DOCK9: variants seen among roughly 807,000 people sequenced by gnomAD.
DOCK9 encodes the protein dedicator of cytokinesis protein 9.
In DOCK9, 89 loss-of-function variants were observed where a neutral mutation model predicts 263.3. The ratio of observed to expected loss-of-function variants is 0.34; its 90% CI spans 0.28 to 0.40. DOCK9 has a LOEUF of 0.40. Ranked by LOEUF, DOCK9 falls within the 10% of genes least tolerant of loss-of-function variation. The pLI is 1.00. For synonymous variants in DOCK9, 976 were observed against 973.1 expected, an observed-to-expected ratio of 1.00 and a Z score of -0.06; for missense variants, 2,140 against 2,603.4, an observed-to-expected ratio of 0.82 and a Z score of 3.87.
intron 23 of DOCK9, among the ~76,000 whole-genome samples, 191 bp from the exon 24 acceptor site, chr13:98,882,198 G>A (rs2044885934): frequency 6.6e-6 from 1 of 152,144 alleles, no homozygotes; most frequent in Non-Finnish European, 1.5e-5. Flanking sequence ...ATGGCCCAGG[G>A]GAGGTAAGGC....
rs2092520648 is a variant in DOCK9 at position 98,826,015 on chromosome 13, C to A, written c.5023+815G>T. On this transcript the variant is annotated intron_variant, in intron 44 of 52. Transcript: ENST00000682017. ...GTACCGGTATTAAATGAACATGGAGCCCTTTCAAAATTTTTCTCTTTGGGG... is the reference window on the plus strand; with the variant it reads ...GTACCGGTATTAAATGAACATGGAGACCTTTCAAAATTTTTCTCTTTGGGG... The A allele has an allele frequency of 6.3e-6, 8 of 1,279,160 alleles. No individual in the cohort carries two copies. In the Middle Eastern group the frequency reaches 5.9e-4, roughly 94 times the overall value. The allele number at this position is 1,279,160 out of a possible 1,614,324, so 79.2% of individuals were successfully genotyped here. A position where few individuals can be genotyped will look rare whatever the true frequency, so the allele number is the denominator to read the frequency against.
Position 99,073,323 on chromosome 13 carries a change from C to T in DOCK9, c.129+12900G>A, listed in dbSNP as rs2041764682. On this transcript the variant is annotated intron_variant, in intron 1 of 32. Coordinates refer to the DOCK9 transcript ENST00000427887. The stretch of plus-strand genomic sequence containing the variant: ...TCTCATTCATTCTCTCTCTCTCTCT[C>T]TTCTCTCTCTTCTTTCTCTCCTCTC... Among the ~76,000 whole-genome samples, 3 of 151,072 alleles carry T rather than the reference C, an allele frequency of 2.0e-5. No homozygotes were observed. In the South Asian group the frequency reaches 6.3e-4, roughly 32 times the overall value.
chr13:98,802,839 T>C (rs917838061), intron 49 of DOCK9, among the ~76,000 whole-genome samples: 3 of 152,208 alleles, frequency 2.0e-5, no homozygotes, highest in African/African-American at 7.2e-5. Context: ...GGTTGATAAC[T>C]TGAGGGAAAA....
chr13:98,899,915 A>G (rs1373564711), intron 13 of DOCK9, among the ~76,000 whole-genome samples: 1 of 152,128 alleles, frequency 6.6e-6, no homozygotes. Flanking sequence ...CACAGGAGAT[A>G]CCTACAGAGA....
chr13:98,833,665 T>C (rs2092861284), intron 39 of DOCK9, among the ~76,000 whole-genome samples: 1 of 152,192 alleles, frequency 6.6e-6, no homozygotes, highest in Non-Finnish European at 1.5e-5. Flanking sequence ...AAACCTCAAA[T>C]ATATACAATA....
At chr13:98,984,758 ACCT>A (rs1878043106) in intron 1 of DOCK9, among the ~76,000 whole-genome samples, 1 of 152,038 alleles carries the variant, frequency 6.6e-6, no homozygotes, top group Admixed American at 6.6e-5. Context: ...AAGTCACTTC[ACCT>A]CTCTGGGCCC....
At chr13:98,974,129 T>C (rs1308186460) in intron 1 of DOCK9, among the ~76,000 whole-genome samples, 2 of 152,096 alleles carry the variant, frequency 1.3e-5, no homozygotes, top group African/African-American at 2.4e-5. Context: ...ACAATTAGAA[T>C]AAATTGTTTC....
chr13:99,035,953 A>C (rs1250276029), intron 1 of DOCK9, among the ~76,000 whole-genome samples: 2 of 152,148 alleles, frequency 1.3e-5, no homozygotes, highest in Non-Finnish European at 2.9e-5. Context: ...GGAAGAAGAA[A>C]TTCGGACAAC....
At chr13:98,981,112 A>G (rs1673821199), upstream of DOCK9, among the ~76,000 whole-genome samples, 1 of 150,594 alleles carries the variant, frequency 6.6e-6, no homozygotes, top group African/African-American at 2.4e-5. Context: ...ACTGGAGTGC[A>G]GTGGTGCAAT....
intron 1 of DOCK9, among the ~76,000 whole-genome samples, chr13:99,066,593 C>T (rs954617226): frequency 4.3e-4 from 66 of 152,134 alleles, no homozygotes; most frequent in African/African-American, 1.5e-3. Flanking sequence ...TTAAGGACAT[C>T]GTCAAGATCC....
At chr13:99,049,592 G>A (rs545710158) in intron 1 of DOCK9, among the ~76,000 whole-genome samples, 4 of 152,106 alleles carry the variant, frequency 2.6e-5, no homozygotes, top group South Asian at 2.1e-4. Context: ...ATCATGGCTC[G>A]CTGCAGCCTC....
At chr13:99,027,228 C>T (rs749819986) in intron 1 of DOCK9, among the ~76,000 whole-genome samples, 8 of 152,080 alleles carry the variant, frequency 5.3e-5, no homozygotes, top group Non-Finnish European at 8.8e-5. Context: ...CCATATTGGC[C>T]AGGCTGGTAT....
Position 98,847,898 on chromosome 13 carries a change from G to A in DOCK9, c.4061+694C>T, listed in dbSNP as rs369294312. Among the ~76,000 whole-genome samples, 53 of 152,294 alleles carry A rather than the reference G, an allele frequency of 3.5e-4. No individual in the cohort carries two copies. The South Asian group carries it at 8.7e-3, about 25-fold the overall frequency. ...GGCAGTGGGGCAGGAGGAAGAACTTGGTAAGGACAAGAGGTGCTGCGAAGA... is the reference window on the plus strand; with the variant it reads ...GGCAGTGGGGCAGGAGGAAGAACTTAGTAAGGACAAGAGGTGCTGCGAAGA... On this transcript the variant is annotated intron_variant, in intron 37 of 52. Transcript: ENST00000682017.
At chr13:99,015,867 T>TA in intron 1 of DOCK9, 1 of 918,532 alleles carries the variant, frequency 1.1e-6, no homozygotes, top group Non-Finnish European at 1.4e-6. Context: ...ACCAAACCTT[T>TA]AAAGTATCGT....
At chr13:98,903,521 AC>A (rs1376903649) in intron 10 of DOCK9, among the ~76,000 whole-genome samples, 2 of 149,518 alleles carry the variant, frequency 1.3e-5, no homozygotes, top group Non-Finnish European at 3.0e-5. Context: ...AATGGTGTGA[AC>A]CCAGGAGGCG....
chr13:98,975,132 A>G (rs898545799), intron 1 of DOCK9, among the ~76,000 whole-genome samples: 7 of 152,210 alleles, frequency 4.6e-5, no homozygotes, highest in African/African-American at 1.7e-4. Context: ...CTGTAATCAC[A>G]CTTTGGGAAG....
intron 1 of DOCK9, among the ~76,000 whole-genome samples, chr13:99,004,800 C>T (rs1424986861): frequency 6.6e-6 from 1 of 151,696 alleles, no homozygotes; most frequent in Admixed American, 6.6e-5. Context: ...CACACACACA[C>T]ACACACACAC....
upstream of DOCK9, among the ~76,000 whole-genome samples, chr13:99,086,877 C>T (rs1407991141): frequency 6.6e-6 from 1 of 151,748 alleles, no homozygotes; most frequent in African/African-American, 2.4e-5. Context: ...GCCTCCGCCC[C>T]GGGCCGCACG....
At chr13:98,979,245 A>G (rs868366274), upstream of DOCK9, among the ~76,000 whole-genome samples, 120 of 115,630 alleles carry the variant, frequency 1.0e-3, no homozygotes, top group African/African-American at 3.4e-3. Context: ...CAGCGGCGGC[A>G]GCAGCAGCAG....
Sources: gnomAD v4.1 joint callset for allele counts (sites outside exome capture counted in the v4.1 genomes callset) on GRCh38, gnomAD v4.1.1 for gene constraint, MANE v1.5 for transcripts, NCBI Gene and HGNC (gene_info 2026-07-23, HGNC 2026-07-21) for gene names.